Variants in LRCH2 observed in about 807,000 individuals in gnomAD.
The protein encoded by LRCH2 is leucine-rich repeat and calponin homology domain-containing protein 2.
In LRCH2, 38 loss-of-function variants were observed where a neutral mutation model predicts 68.9. The ratio of observed to expected loss-of-function variants is 0.55; its 90% CI spans 0.43 to 0.72. The LOEUF (loss-of-function observed/expected upper bound fraction) is 0.72, where lower values mean the gene tolerates loss of function less well. Ranked by LOEUF, LRCH2 falls within the 30% of genes least tolerant of loss-of-function variation. The pLI, the probability that LRCH2 is intolerant of heterozygous loss-of-function variation, is 0.00. For synonymous variants in LRCH2, 191 were observed against 208.1 expected, an observed-to-expected ratio of 0.92 and a Z score of 0.71; for missense variants, 528 against 572.9, an observed-to-expected ratio of 0.92 and a Z score of 0.80.
rs374160829 is a variant in LRCH2, at chrX:115,170,306, T to C, written c.991A>G (p.Thr331Ala). ...LSKRMPSQPLTDSMEDFYPNK... is the reference protein window; with the variant it reads ...LSKRMPSQPLADSMEDFYPNK... The stretch of plus-strand genomic sequence containing the variant: ...GTAAGAATGTTACATTACCTGTCTG[T>C]GAGAGGCTGTGAGGGCATTCGTTTA... Residue 331 changes from threonine (T) to alanine (A), a missense_variant, in exon 6 of 21, where the codon ACA (threonine) becomes GCA (alanine). By Grantham distance (58) the Thr-to-Ala change is moderately conservative. Coordinates refer to ENST00000317135, the MANE Select transcript of LRCH2 (RefSeq NM_020871.4). 101 of 1,170,241 alleles carry C rather than the reference T, an allele frequency of 8.6e-5. No individual in the cohort carries two copies. The East Asian group carries it at 2.5e-3, about 29-fold the overall frequency.
At chrX:115,146,906 TACAC>T (rs57837250) in intron 14 of LRCH2, among the ~76,000 whole-genome samples, 18,226 of 67,028 alleles carry the variant, frequency 0.27, 1,780 homozygotes, top group East Asian at 0.54. Context: ...CTTACATACA[TACAC>T]ACACACACAC....
intron 6 of LRCH2, among the ~76,000 whole-genome samples, chrX:115,167,191 TAAAAAA>T (rs58298502): frequency 2.4e-3 from 20 of 8,396 alleles, no homozygotes; most frequent in East Asian, 4.7e-3. Flanking sequence ...AGTTTCATGC[TAAAAAA>T]AAAAAAAAAA....
chrX:115,117,651 C>G (rs929547085), intron 20 of LRCH2, among the ~76,000 whole-genome samples: 1 of 110,998 alleles, frequency 9.0e-6, no homozygotes, highest in African/African-American at 3.3e-5. Flanking sequence ...ACAACACTGA[C>G]GAGTCATAAA....
intron 14 of LRCH2, among the ~76,000 whole-genome samples, chrX:115,135,810 AC>A (rs1388492433): frequency 9.0e-6 from 1 of 111,684 alleles, no homozygotes; most frequent in East Asian, 2.8e-4. Flanking sequence ...TCTACACAAG[AC>A]CCCCCACCAG....
chrX:115,194,979 T>C (rs782117327), intron 1 of LRCH2, among the ~76,000 whole-genome samples: 7 of 111,070 alleles, frequency 6.3e-5, no homozygotes, highest in African/African-American at 2.3e-4. Flanking sequence ...AAGTCTGGGA[T>C]GGATATATAA....
intron 1 of LRCH2, among the ~76,000 whole-genome samples, chrX:115,218,248 T>A (rs1405687621): frequency 8.9e-6 from 1 of 112,608 alleles, no homozygotes; most frequent in African/African-American, 3.2e-5. Context: ...TTATTCTGAT[T>A]AATGAAGTAA....
At chrX:115,190,948 C>T (rs1418065321) in intron 1 of LRCH2, 30 of 1,161,222 alleles carry the variant, frequency 2.6e-5, no homozygotes, top group Admixed American at 7.9e-5. Flanking sequence ...CTGGAGCGAC[C>T]GCTACGGAGT....
At chrX:115,153,193 A>G (rs1444813561) in intron 12 of LRCH2, among the ~76,000 whole-genome samples, 2 of 107,800 alleles carry the variant, frequency 1.9e-5, no homozygotes, top group Non-Finnish European at 3.8e-5. Flanking sequence ...GGGATGACAC[A>G]TGCCTGTGGT....
intron 1 of LRCH2, among the ~76,000 whole-genome samples, chrX:115,220,379 G>A (rs190925556): frequency 8.2e-4 from 92 of 112,224 alleles, no homozygotes; most frequent in African/African-American, 2.9e-3. Context: ...TGATAAATGT[G>A]AGAAAGTTTA....
chrX:115,190,059 G>C (rs1344176388), intron 1 of LRCH2: 1 of 1,153,662 alleles, frequency 8.7e-7, no homozygotes, highest in Non-Finnish European at 1.2e-6. Context: ...CCCACAAGAG[G>C]GCTGTGCCCC....
At chrX:115,217,772 T>C (rs1162822568) in intron 1 of LRCH2, among the ~76,000 whole-genome samples, 1 of 111,510 alleles carries the variant, frequency 9.0e-6, no homozygotes, top group African/African-American at 3.3e-5. Context: ...TCAAATGGTA[T>C]TTCTGGTTCT....
chrX:115,117,529 C>A (rs782576836), intron 20 of LRCH2, among the ~76,000 whole-genome samples: 2 of 111,370 alleles, frequency 1.8e-5, no homozygotes, highest in East Asian at 5.6e-4. Flanking sequence ...GCCGCTAAAA[C>A]TGGAAACAAC....
chrX:115,189,982 A>T (rs1556556708), intron 1 of LRCH2: 2 of 1,163,413 alleles, frequency 1.7e-6, no homozygotes, highest in Non-Finnish European at 2.3e-6. Flanking sequence ...AATGCGCGGG[A>T]AGGCACCGAC....
chrX:115,123,942 T>C lies in LRCH2; in HGVS notation c.1849+3A>G, dbSNP rs2072164436. 1 of 1,080,614 alleles carries C rather than the reference T, an allele frequency of 9.3e-7. No homozygotes were observed. The highest frequency in any genetic ancestry group is 2.8e-5 in the Admixed American group (1 of 35,429). The allele number at this position is 1,080,614 out of a possible 1,213,427, so 89.1% of individuals were successfully genotyped here. ...AAATTTTATTTACAGAATATCTATTTACCTGATCTAGGCTTCAAGCCAAAG... is the reference window on the plus strand; with the variant it reads ...AAATTTTATTTACAGAATATCTATTCACCTGATCTAGGCTTCAAGCCAAAG... On this transcript the variant is annotated splice_donor_region_variant and intron_variant, in intron 17 of 20. Coordinates refer to ENST00000317135, the MANE Select transcript of LRCH2 (RefSeq NM_020871.4).
intron 20 of LRCH2, among the ~76,000 whole-genome samples, chrX:115,114,163 T>C (rs2072063865): frequency 9.0e-6 from 1 of 111,346 alleles, no homozygotes; most frequent in Non-Finnish European, 1.9e-5. Flanking sequence ...CTGCGATCCA[T>C]GTCTTAGTAA....
intron 1 of LRCH2, among the ~76,000 whole-genome samples, chrX:115,197,280 CAGT>C (rs1489964113): frequency 1.8e-5 from 2 of 110,701 alleles, no homozygotes; most frequent in Non-Finnish European, 3.8e-5. Context: ...AATTCTCCAG[CAGT>C]AGATCCTAAC....
At chrX:115,122,337 C>T (rs2072151204) in intron 20 of LRCH2, among the ~76,000 whole-genome samples, 190 bp downstream of exon 20, 1 of 111,154 alleles carries the variant, frequency 9.0e-6, no homozygotes, top group Admixed American at 9.6e-5. Flanking sequence ...TTATAAATTA[C>T]TTTAAAGGTA....
chrX:115,214,460 T>C (rs192110256), intron 1 of LRCH2, among the ~76,000 whole-genome samples: 15 of 111,855 alleles, frequency 1.3e-4, no homozygotes, highest in African/African-American at 3.9e-4. Flanking sequence ...CAGGACAAAA[T>C]AATGAACAGT....
At chrX:115,115,283 C>T (rs782293444) in intron 20 of LRCH2, among the ~76,000 whole-genome samples, 1 of 110,776 alleles carries the variant, frequency 9.0e-6, no homozygotes, top group South Asian at 3.8e-4. Flanking sequence ...GTGGAAGACT[C>T]ACACTTCTTG....
Sources: allele counts gnomAD v4.1 joint callset (sites outside exome capture counted in the v4.1 genomes callset), GRCh38; gene constraint gnomAD v4.1.1; transcripts MANE v1.5; gene names NCBI Gene and HGNC (gene_info 2026-07-23, HGNC 2026-07-21).